The following MAML3 variants were observed in gnomAD, a reference collection of about 807,000 sequenced individuals.
MAML3 encodes the protein mastermind like transcriptional coactivator 3, also known as mastermind-like protein 3.
A neutral mutation model predicts 101.9 loss-of-function variants in MAML3; 27 were observed. The observed-to-expected ratio is 0.27, with a 90% confidence interval of 0.20 to 0.37. The LOEUF (loss-of-function observed/expected upper bound fraction) is 0.37, where lower values mean the gene tolerates loss of function less well. Among genes scored for constraint, MAML3 ranks in the 10% least tolerant of loss-of-function variants. The pLI is 1.00. For synonymous variants in MAML3, 501 were observed against 555.9 expected, an observed-to-expected ratio of 0.90 and a Z score of 1.39; for missense variants, 1,316 against 1,444.9, an observed-to-expected ratio of 0.91 and a Z score of 1.45.
chr4:140,130,525 T>G (rs1310962735), intron 1 of MAML3, among the ~76,000 whole-genome samples: 1 of 152,240 alleles, frequency 6.6e-6, no homozygotes. Flanking sequence ...TTTTAAAAAC[T>G]GATTAAAACC....
At chr4:139,987,452 G>A (rs1364693817) in intron 1 of MAML3, among the ~76,000 whole-genome samples, 1 of 152,210 alleles carries the variant, frequency 6.6e-6, no homozygotes, top group African/African-American at 2.4e-5. Context: ...CGTCATCACT[G>A]AATGTTCAGA....
chr4:140,041,232 G>A (rs980701607), intron 1 of MAML3, among the ~76,000 whole-genome samples: 1 of 152,166 alleles, frequency 6.6e-6, no homozygotes. Context: ...GAATGAGAAT[G>A]GTTATATACA....
rs28695398 is a variant in MAML3, at chr4:139,777,880, T to C, written c.2080-47213A>G. Among the ~76,000 whole-genome samples, 719 of 152,358 alleles carry C rather than the reference T, an allele frequency of 4.7e-3. 7 individuals are homozygous for C. The highest frequency in any genetic ancestry group is 0.027 in the Middle Eastern group (8 of 294). ...CTCCCTGCTGCTCTCTTGAGCCACATTGACCTTCTTGCTGTTCCTGAAAAG... is the reference window on the plus strand; with the variant it reads ...CTCCCTGCTGCTCTCTTGAGCCACACTGACCTTCTTGCTGTTCCTGAAAAG... On this transcript the variant is annotated intron_variant, in intron 2 of 4. Coordinates refer to ENST00000509479, the MANE Select transcript of MAML3 (RefSeq NM_018717.5).
chr4:139,862,228 A>C (rs547976499), intron 2 of MAML3, among the ~76,000 whole-genome samples: 1 of 152,170 alleles, frequency 6.6e-6, no homozygotes, highest in African/African-American at 2.4e-5. Flanking sequence ...AACAAACAAA[A>C]AAAACAAACT....
chr4:139,783,219 T>C (rs957794389), intron 2 of MAML3, among the ~76,000 whole-genome samples: 1 of 152,226 alleles, frequency 6.6e-6, no homozygotes, highest in African/African-American at 2.4e-5. Context: ...CTGTTGTTCC[T>C]ATGTAAATGC....
intron 1 of MAML3, among the ~76,000 whole-genome samples, chr4:140,031,534 T>A (rs539898257): frequency 6.6e-6 from 1 of 152,204 alleles, no homozygotes; most frequent in African/African-American, 2.4e-5. Context: ...TCTCCTTCAC[T>A]GAAATTTTGC....
intron 1 of MAML3, among the ~76,000 whole-genome samples, chr4:140,127,391 G>T (rs1169904839): frequency 1.3e-5 from 2 of 151,622 alleles, no homozygotes; most frequent in African/African-American, 2.4e-5. Context: ...TAAATGATGG[G>T]AGACAGTATA....
At chr4:139,746,205 T>C (rs191616493) in intron 2 of MAML3, among the ~76,000 whole-genome samples, 156 of 152,362 alleles carry the variant, frequency 1.0e-3, no homozygotes, top group African/African-American at 3.3e-3. Flanking sequence ...TGGTATGTTA[T>C]ATTTTTGTAA....
chr4:139,991,314 T>C (rs1734667224), intron 1 of MAML3, among the ~76,000 whole-genome samples: 1 of 152,208 alleles, frequency 6.6e-6, no homozygotes, highest in South Asian at 2.1e-4. Context: ...GGATTCCCTA[T>C]TTAATAAACG....
chr4:139,828,970 T>G (rs1264948322), intron 2 of MAML3, among the ~76,000 whole-genome samples: 1 of 141,136 alleles, frequency 7.1e-6, no homozygotes, highest in Non-Finnish European at 1.5e-5. Context: ...AAGACCCTGT[T>G]GAAAGAGGAA....
chr4:139,893,171 T>C (rs1356889841), intron 1 of MAML3, among the ~76,000 whole-genome samples: 1 of 152,226 alleles, frequency 6.6e-6, no homozygotes, highest in Non-Finnish European at 1.5e-5. Context: ...CTTCTGCCTC[T>C]AGGGCATTGT....
At chr4:140,103,437 C>T (rs1728284088) in intron 1 of MAML3, among the ~76,000 whole-genome samples, 1 of 152,114 alleles carries the variant, frequency 6.6e-6, no homozygotes, top group African/African-American at 2.4e-5. Flanking sequence ...ATGTTAGGTA[C>T]ATTTAAATGG....
At chr4:139,916,434 G>T (rs754453197) in intron 1 of MAML3, among the ~76,000 whole-genome samples, 25 of 152,230 alleles carry the variant, frequency 1.6e-4, no homozygotes, top group Middle Eastern at 3.2e-3. Flanking sequence ...GAAGAGAATG[G>T]TGTTGGTGAC....
At chr4:139,767,533 G>A (rs969721305) in intron 2 of MAML3, among the ~76,000 whole-genome samples, 3 of 151,980 alleles carry the variant, frequency 2.0e-5, no homozygotes, top group Admixed American at 1.3e-4. Context: ...TGGTCCTTCC[G>A]ACTTTGTCTT....
intron 1 of MAML3, among the ~76,000 whole-genome samples, chr4:139,902,119 C>T (rs187795792): frequency 5.5e-4 from 84 of 152,364 alleles, no homozygotes; most frequent in African/African-American, 1.9e-3. Context: ...ACTGCTCTTT[C>T]TTGTGAGATG....
intron 1 of MAML3, among the ~76,000 whole-genome samples, chr4:139,977,727 G>A (rs1307915507): frequency 6.6e-6 from 1 of 151,906 alleles, no homozygotes; most frequent in Non-Finnish European, 1.5e-5. Flanking sequence ...ACAAAAATCA[G>A]CTGGGTGTGG....
chr4:139,854,956 C>T (rs1233618218), intron 2 of MAML3, among the ~76,000 whole-genome samples: 1 of 152,218 alleles, frequency 6.6e-6, no homozygotes, highest in Non-Finnish European at 1.5e-5. Context: ...CAGCCTCCTT[C>T]TATTTCCTAA....
chr4:140,058,410 TA>T (rs1727389345), intron 1 of MAML3, among the ~76,000 whole-genome samples: 1 of 152,016 alleles, frequency 6.6e-6, no homozygotes, highest in Non-Finnish European at 1.5e-5. Context: ...AGAGTATTTT[TA>T]AAAATTACTA....
chr4:140,143,054 A>G (rs1729001153), intron 1 of MAML3, among the ~76,000 whole-genome samples: 1 of 152,280 alleles, frequency 6.6e-6, no homozygotes, highest in African/African-American at 2.4e-5. Context: ...GCAAGAAGAT[A>G]CAAAGCATCT....
Sources: allele counts gnomAD v4.1 joint callset (sites outside exome capture counted in the v4.1 genomes callset), GRCh38; gene constraint gnomAD v4.1.1; transcripts MANE v1.5; gene names NCBI Gene and HGNC (gene_info 2026-07-23, HGNC 2026-07-21).